VSTM4: variants seen among roughly 807,000 people sequenced by gnomAD.
The protein encoded by VSTM4 is V-set and transmembrane domain containing 4.
Under a neutral mutation model 36.4 loss-of-function variants are expected in VSTM4, and 20 were observed. The ratio of observed to expected loss-of-function variants is 0.55; its 90% CI spans 0.39 to 0.80. The LOEUF (loss-of-function observed/expected upper bound fraction) is 0.80, where lower values mean the gene tolerates loss of function less well. Among genes scored for constraint, VSTM4 ranks in the 30% least tolerant of loss-of-function variants. VSTM4 has a pLI of 0.00. For missense variants in VSTM4, 392 were observed against 404.5 expected (o/e 0.97, Z 0.26); for synonymous variants, 182 against 173.9 (o/e 1.05, Z -0.37).
At chr10:49,053,866 G>A (rs1272861112) in intron 5 of VSTM4, among the ~76,000 whole-genome samples, 1 of 152,224 alleles carries the variant, frequency 6.6e-6, no homozygotes, top group Non-Finnish European at 1.5e-5. Flanking sequence ...GGTCATGAGA[G>A]AGGCTGCATT....
Position 49,107,703 on chromosome 10 carries a change from T to C in VSTM4, c.348A>G (p.Thr116=). The change falls in exon 2 of 8, where the codon ACA becomes ACG. Residue 116 remains threonine (T), a synonymous_variant. Coordinates refer to ENST00000332853, the MANE Select transcript of VSTM4 (RefSeq NM_001031746.5). The part of the protein sequence containing the change: ...RGALYRLSVL[T]LQPSDQGHYV... ...AATGCCCTTGATCGGAGGGCTGCAG[T>C]GTCAAGACGGAGAGCCTGTAGAGCG... The C allele has an allele frequency of 6.2e-7, 1 of 1,614,196 alleles. No homozygotes were observed. The highest frequency in any genetic ancestry group is 8.5e-7 in the Non-Finnish European group (1 of 1,180,028).
At chr10:49,029,394 G>A (rs562663419) in intron 7 of VSTM4, among the ~76,000 whole-genome samples, 11 of 152,350 alleles carry the variant, frequency 7.2e-5, no homozygotes, top group African/African-American at 2.6e-4. Flanking sequence ...TGTGGTGGCT[G>A]AGAATTGGTC....
intron 3 of VSTM4, among the ~76,000 whole-genome samples, chr10:49,078,983 C>A (rs192751472): frequency 6.6e-6 from 1 of 152,068 alleles, no homozygotes; most frequent in African/African-American, 2.4e-5. Context: ...AGGTCCACGC[C>A]GCCACACCCA....
rs1564559439 is a variant in VSTM4, at chr10:49,014,710, GTTCACACTGCAGAT to G, written c.*4926_*4939del. On this transcript the variant is annotated 3_prime_UTR_variant, in exon 8 of 8. Transcript: ENST00000332853. ...CTCTATTCTCCCTGCCCTCTGCAGA[GTTCACACTGCAGAT>G]CCCTTCTTCCTTTGAGACACCCCTA... The G allele has an allele frequency of 3.3e-5, 5 of 152,246 alleles. No homozygotes were observed. Among genetic ancestry groups the G allele is most frequent in the African/African-American group, 1.2e-4 (5 of 41,438 alleles). The allele number at this position is 152,246 out of a possible 1,614,324, so 9.4% of individuals were successfully genotyped here. A position where few individuals can be genotyped will look rare whatever the true frequency, so the allele number is the denominator to read the frequency against.
In VSTM4 at chr10:49,096,622, C is replaced by CGTGTGTGTGTGTGTGTGTGTGT. The variant is rs57143308; in HGVS notation, c.458-10621_458-10600dup. On this transcript the variant is annotated intron_variant, in intron 2 of 7. Coordinates refer to ENST00000332853, the MANE Select transcript of VSTM4 (RefSeq NM_001031746.5). ...ATTGGGTTGAAAAGCCATTGAAGAC[C>CGTGTGTGTGTGTGTGTGTGTGT]GTGTGTGTGTGTGTGTGTGTGTGTG... Among the ~76,000 whole-genome samples, 249 of 122,572 alleles carry CGTGTGTGTGTGTGTGTGTGTGT rather than the reference C, an allele frequency of 2.0e-3. 4 individuals carry two copies. The highest frequency in any genetic ancestry group is 8.1e-3 in the African/African-American group (235 of 28,944). 80.4% of individuals were successfully genotyped at this position (122,572 alleles called of 152,430 possible). A position where few individuals can be genotyped will look rare whatever the true frequency, so the allele number is the denominator to read the frequency against.
At chr10:49,088,182 C>T (rs1185327952) in intron 2 of VSTM4, among the ~76,000 whole-genome samples, 6 of 152,068 alleles carry the variant, frequency 3.9e-5, no homozygotes, top group African/African-American at 1.4e-4. Context: ...AACTCCTTTG[C>T]CATTAGAACT....
At chr10:49,107,228 T>A (rs1410336532) in intron 2 of VSTM4, among the ~76,000 whole-genome samples, 1 of 152,246 alleles carries the variant, frequency 6.6e-6, no homozygotes, top group African/African-American at 2.4e-5. Context: ...CTGCAATAGC[T>A]ACTGCTGAAT....
chr10:49,068,632 A>C (rs1844017467), intron 4 of VSTM4, among the ~76,000 whole-genome samples: 2 of 152,162 alleles, frequency 1.3e-5, no homozygotes, highest in African/African-American at 4.8e-5. Flanking sequence ...GTCACCCTTA[A>C]ATATGCATAG....
rs747178512 is a variant in VSTM4 at position 49,086,041 on chromosome 10, A to G, written c.458-18T>C. On this transcript the variant is annotated intron_variant, in intron 2 of 7. Coordinates refer to ENST00000332853, the MANE Select transcript of VSTM4 (RefSeq NM_001031746.5). ...GGAAATGACTGAAAGACAAAAAAGA[A>G]ACAGCACAGTATGAAAAAATAATGC... The G allele has an allele frequency of 1.9e-6, 3 of 1,545,800 alleles. No individual in the cohort carries two copies. The East Asian group carries it at 6.8e-5, about 35-fold the overall frequency.
intron 4 of VSTM4, among the ~76,000 whole-genome samples, chr10:49,071,192 T>A (rs549467885): frequency 2.6e-5 from 4 of 152,340 alleles, no homozygotes; most frequent in African/African-American, 9.6e-5. Context: ...GCCAGGCCAC[T>A]CCTCTTTCCT....
In VSTM4 at chr10:49,017,268, G is replaced by A. The variant is rs1843117217; in HGVS notation, c.*2382C>T. On this transcript the variant is annotated 3_prime_UTR_variant, in exon 8 of 8. Coordinates refer to ENST00000332853, the MANE Select transcript of VSTM4 (RefSeq NM_001031746.5). ...AAGCACCTGATACAAGTCATCCATT[G>A]CTTCCAGTTCTGAGCACAGCTTGGG... is the stretch of plus-strand genomic sequence containing the variant. 1 of 152,206 alleles carries A rather than the reference G, an allele frequency of 6.6e-6. No individual in the cohort carries two copies. The highest frequency in any genetic ancestry group is 2.4e-5 in the African/African-American group (1 of 41,450). The allele number at this position is 152,206 out of a possible 1,614,324, so 9.4% of individuals were successfully genotyped here. A position where few individuals can be genotyped will look rare whatever the true frequency, so the allele number is the denominator to read the frequency against.
At chr10:49,101,169 T>C (rs1844659012) in intron 2 of VSTM4, among the ~76,000 whole-genome samples, 1 of 152,134 alleles carries the variant, frequency 6.6e-6, no homozygotes, top group African/African-American at 2.4e-5. Flanking sequence ...ATGTATTGAA[T>C]GTAAATTACA....
At chr10:49,023,406 C>T (rs1461661280) in intron 7 of VSTM4, among the ~76,000 whole-genome samples, 3 of 152,212 alleles carry the variant, frequency 2.0e-5, no homozygotes, top group Admixed American at 1.3e-4. Flanking sequence ...CACCAAACTA[C>T]GTTTCTTTGC....
At chr10:49,108,581 C>T (rs1299315736) in intron 1 of VSTM4, among the ~76,000 whole-genome samples, 6 of 152,170 alleles carry the variant, frequency 3.9e-5, no homozygotes, top group African/African-American at 9.7e-5. Flanking sequence ...GTAGTAAGGT[C>T]GGATGTGAGC....
In VSTM4 at chr10:49,107,981, G is replaced by C; in HGVS notation, c.70C>G (p.Leu24Val). 3 of 1,581,486 alleles carry C rather than the reference G, an allele frequency of 1.9e-6. No individual in the cohort carries two copies. In the South Asian group the frequency reaches 3.4e-5, roughly 18 times the overall value. The change falls in exon 2 of 8, where the codon CTC becomes GTC. Residue 24 changes from leucine (L) to valine (V), a missense_variant. Transcript: ENST00000332853. ...GGCCCCGGGGACACAGTGACATTGA[G>C]GGCCGCACAGACCTCTGCAGAGAAA... ...RAPAPEVCAA[L>V]NVTVSPGPVV...
At position 49,115,214 on chromosome 10, in the gene VSTM4, G is replaced by A. The variant is rs975957496; in HGVS notation, c.55+217C>T. Among the ~76,000 whole-genome samples the A allele has an allele frequency of 1.3e-4, 20 of 152,100 alleles. No individual in the cohort carries two copies. The South Asian group carries it at 1.9e-3, about 14-fold the overall frequency. On this transcript the variant is annotated intron_variant, in intron 1 of 7. Transcript: ENST00000332853. Reference sequence around the variant, plus strand: ...CAGGCGAGGTCGGGACGGGGACCGCGCTCACGGGAGGCGTCCTCTGAACCT... The same window carrying A: ...CAGGCGAGGTCGGGACGGGGACCGCACTCACGGGAGGCGTCCTCTGAACCT...
chr10:49,113,457 C>T (rs1324322528), intron 1 of VSTM4, among the ~76,000 whole-genome samples: 1 of 152,142 alleles, frequency 6.6e-6, no homozygotes, highest in African/African-American at 2.4e-5. Flanking sequence ...TGTATTTTCT[C>T]AATTTATCCT....
chr10:49,057,751 C>G (rs1017580584), intron 5 of VSTM4, among the ~76,000 whole-genome samples: 72 of 152,266 alleles, frequency 4.7e-4, no homozygotes, highest in African/African-American at 1.7e-3. Context: ...GCGTCTACTG[C>G]CCCCATCCTC....
chr10:49,090,033 C>T (rs533397945), intron 2 of VSTM4, among the ~76,000 whole-genome samples: 1 of 152,302 alleles, frequency 6.6e-6, no homozygotes, highest in African/African-American at 2.4e-5. Flanking sequence ...GAGGCCCCAG[C>T]AGGGTAGATG....
Sources: allele counts gnomAD v4.1 joint callset (sites outside exome capture counted in the v4.1 genomes callset), GRCh38; gene constraint gnomAD v4.1.1; transcripts MANE v1.5; gene names NCBI Gene and HGNC (gene_info 2026-07-23, HGNC 2026-07-21).